Variants in MYO16 observed in about 807,000 individuals in gnomAD.
MYO16 encodes the protein myosin XVI.
A neutral mutation model predicts 205.3 loss-of-function variants in MYO16; 94 were observed. That is an observed-to-expected ratio of 0.46 (90% CI 0.39 to 0.54). The LOEUF is 0.54. MYO16 is among the 20% of genes least tolerant of loss of function. The probability of loss-of-function intolerance (pLI) is 0.00; values close to 1 mark genes in which losing one functional copy is unlikely to be tolerated. For synonymous variants in MYO16, 988 were observed against 954.0 expected, an observed-to-expected ratio of 1.04 and a Z score of -0.66; for missense variants, 2,315 against 2,387.5, an observed-to-expected ratio of 0.97 and a Z score of 0.63.
intron 22 of MYO16, among the ~76,000 whole-genome samples, chr13:109,010,376 A>C (rs1367867953): frequency 6.6e-6 from 1 of 152,218 alleles, no homozygotes; most frequent in Non-Finnish European, 1.5e-5. Flanking sequence ...GACATCCAGA[A>C]AACATAACAC....
At chr13:108,803,269 C>A (rs1013917169) in intron 6 of MYO16, among the ~76,000 whole-genome samples, 1 of 152,060 alleles carries the variant, frequency 6.6e-6, no homozygotes. Context: ...CAGCTGAGAA[C>A]CAACATTGAA....
chr13:108,838,806 T>A (rs887302691), intron 9 of MYO16, among the ~76,000 whole-genome samples: 1 of 149,120 alleles, frequency 6.7e-6, no homozygotes, highest in Admixed American at 6.7e-5. Context: ...ACAACTATTT[T>A]AAAATACGTG....
chr13:108,705,243 T>C (rs1359300499), intron 2 of MYO16, among the ~76,000 whole-genome samples: 1 of 152,230 alleles, frequency 6.6e-6, no homozygotes, highest in East Asian at 1.9e-4. Context: ...ACTACCTACA[T>C]GTTAATCATC....
the MYO16 span, among the ~76,000 whole-genome samples, chr13:108,567,247 T>TATAGG: frequency 3.9e-5 from 6 of 152,100 alleles, no homozygotes; most frequent in Non-Finnish European, 7.4e-5. Context: ...GAAGAGCAGT[T>TATAGG]AAGGGAAGTG....
intron 4 of MYO16, among the ~76,000 whole-genome samples, chr13:108,759,850 T>A (rs1432175177): frequency 2.0e-5 from 3 of 151,980 alleles, no homozygotes; most frequent in Non-Finnish European, 2.9e-5. Context: ...TGAATTCAAT[T>A]TAATTGGACT....
chr13:108,699,424 T>C (rs1883215915), intron 2 of MYO16, among the ~76,000 whole-genome samples: 1 of 152,128 alleles, frequency 6.6e-6, no homozygotes, highest in African/African-American at 2.4e-5. Flanking sequence ...TTTGAAACTG[T>C]TTATTTCTAA....
intron 29 of MYO16, among the ~76,000 whole-genome samples, chr13:109,122,248 T>C (rs1566517223): frequency 6.6e-6 from 1 of 152,152 alleles, no homozygotes; most frequent in Non-Finnish European, 1.5e-5. Context: ...TTAAATATAA[T>C]GATAAGAAAT....
chr13:108,737,973 G>C (rs1057348208), intron 4 of MYO16, among the ~76,000 whole-genome samples: 1 of 151,998 alleles, frequency 6.6e-6, no homozygotes, highest in African/African-American at 2.4e-5. Context: ...CTGTGGGAGT[G>C]GTTGTGATAT....
chr13:108,774,586 G>A (rs1480627870), intron 4 of MYO16, among the ~76,000 whole-genome samples: 1 of 151,922 alleles, frequency 6.6e-6, no homozygotes, highest in African/African-American at 2.4e-5. Context: ...ACTTAGAGAC[G>A]TGCCTTACAG....
At chr13:108,966,683 T>C (rs1489853184) in intron 20 of MYO16, among the ~76,000 whole-genome samples, 1 of 152,222 alleles carries the variant, frequency 6.6e-6, no homozygotes, top group Non-Finnish European at 1.5e-5. Context: ...GACAGTATTC[T>C]CATTTCTGTC....
chr13:109,083,630 A>G (rs1245898018), intron 27 of MYO16, among the ~76,000 whole-genome samples: 1 of 152,160 alleles, frequency 6.6e-6, no homozygotes, highest in African/African-American at 2.4e-5. Context: ...GACCTCTAAC[A>G]TTTACTCTAA....
the MYO16 span, among the ~76,000 whole-genome samples, chr13:108,566,623 CTG>C: frequency 7.0e-6 from 1 of 142,476 alleles, no homozygotes; most frequent in Non-Finnish European, 1.5e-5. Context: ...TAGAGTGAGA[CTG>C]TGTAAGAAAG....
intron 20 of MYO16, among the ~76,000 whole-genome samples, chr13:108,982,754 A>T (rs1884487843): frequency 6.6e-6 from 1 of 152,312 alleles, no homozygotes; most frequent in African/African-American, 2.4e-5. Context: ...CCATCTGCCT[A>T]CAGATGGAGG....
At chr13:108,615,654 T>A (rs1173222259) in intron 1 of MYO16, among the ~76,000 whole-genome samples, 1 of 152,158 alleles carries the variant, frequency 6.6e-6, no homozygotes, top group African/African-American at 2.4e-5. Context: ...TGCTGTCAGA[T>A]ATATAAACCA....
intron 23 of MYO16, among the ~76,000 whole-genome samples, chr13:109,044,425 A>G (rs1886975075): frequency 6.6e-6 from 1 of 152,198 alleles, no homozygotes; most frequent in Admixed American, 6.5e-5. Flanking sequence ...GGAGAAGGAT[A>G]TGATTGGAGG....
intron 27 of MYO16, among the ~76,000 whole-genome samples, chr13:109,093,986 A>T (rs1191218042): frequency 6.6e-6 from 1 of 151,338 alleles, no homozygotes; most frequent in East Asian, 2.0e-4. Flanking sequence ...CATTGCACTA[A>T]CCTTTCGAAA....
intron 2 of MYO16, among the ~76,000 whole-genome samples, chr13:108,686,478 C>T (rs1253354669): frequency 3.3e-5 from 5 of 152,170 alleles, no homozygotes; most frequent in South Asian, 2.1e-4. Context: ...GAACTGCAAT[C>T]GGCACATCCA....
chr13:108,604,786 T>C (rs1013895502), intron 1 of MYO16, among the ~76,000 whole-genome samples: 2 of 152,200 alleles, frequency 1.3e-5, no homozygotes, highest in Non-Finnish European at 2.9e-5. Context: ...TGTGTTTCTG[T>C]TTTCCTCACT....
intron 1 of MYO16, among the ~76,000 whole-genome samples, chr13:108,610,891 T>C (rs1879148743): frequency 6.6e-6 from 1 of 152,180 alleles, no homozygotes; most frequent in Admixed American, 6.6e-5. Context: ...CTTTTTCCTC[T>C]GGATAGATAA....
Sources: allele counts gnomAD v4.1 joint callset (sites outside exome capture counted in the v4.1 genomes callset), GRCh38; gene constraint gnomAD v4.1.1; transcripts MANE v1.5; gene names NCBI Gene and HGNC (gene_info 2026-07-23, HGNC 2026-07-21).